The following PIK3C2G variants were observed in gnomAD, a reference collection of about 807,000 sequenced individuals.
PIK3C2G encodes phosphatidylinositol 3-kinase C2 domain-containing subunit gamma.
PIK3C2G carries 168 observed loss-of-function variants against 181.1 expected under a neutral mutation model. That is an observed-to-expected ratio of 0.93 (90% CI 0.82 to 1.05). The LOEUF is 1.05. Among genes scored for constraint, PIK3C2G ranks in the 50% least tolerant of loss-of-function variants. The pLI is 0.00. For missense variants in PIK3C2G, 1,869 were observed against 1,732.8 expected, an observed-to-expected ratio of 1.08 and a Z score of -1.40; for synonymous variants, 573 against 592.2, an observed-to-expected ratio of 0.97 and a Z score of 0.47.
intron 26 of PIK3C2G, among the ~76,000 whole-genome samples, chr12:18,551,151 T>C (rs1056694760): frequency 6.6e-6 from 1 of 152,050 alleles, no homozygotes; most frequent in Admixed American, 6.6e-5. Context: ...CATCATCAAC[T>C]ACTCTCTGTT....
intron 18 of PIK3C2G, among the ~76,000 whole-genome samples, chr12:18,474,206 A>G (rs752444024): frequency 2.7e-4 from 41 of 152,166 alleles, no homozygotes; most frequent in Non-Finnish European, 5.1e-4. Context: ...GCTACTATTG[A>G]GATTCAGAGA....
chr12:18,550,151 C>T (rs1243355364), intron 26 of PIK3C2G, among the ~76,000 whole-genome samples: 1 of 152,070 alleles, frequency 6.6e-6, no homozygotes, highest in Non-Finnish European at 1.5e-5. Context: ...CACATCCCAT[C>T]TAGCACTATG....
intron 14 of PIK3C2G, among the ~76,000 whole-genome samples, chr12:18,385,353 G>A (rs1045415606): frequency 1.2e-4 from 18 of 152,010 alleles, no homozygotes; most frequent in Admixed American, 3.3e-4. Flanking sequence ...TTGATGTGCC[G>A]ACCGGAAGCA....
intron 30 of PIK3C2G, among the ~76,000 whole-genome samples, chr12:18,608,779 TTA>T (rs1425870121): frequency 2.0e-5 from 3 of 151,974 alleles, no homozygotes; most frequent in African/African-American, 7.2e-5. Flanking sequence ...GCTGAGAAAT[TTA>T]GACCTTTTTT....
chr12:18,261,475 C>A (rs1260990678), upstream of PIK3C2G: 1 of 151,998 alleles, frequency 6.6e-6, no homozygotes. Context: ...CCAGTGGAAG[C>A]ATCACGTTCC....
chr12:18,384,953 T>C (rs942981165), intron 14 of PIK3C2G, among the ~76,000 whole-genome samples: 1 of 152,142 alleles, frequency 6.6e-6, no homozygotes, highest in African/African-American at 2.4e-5. Context: ...CCTTTAATAG[T>C]ATCAGTTTAA....
intron 24 of PIK3C2G, among the ~76,000 whole-genome samples, chr12:18,517,368 G>A (rs758845094): frequency 5.9e-5 from 9 of 152,156 alleles, no homozygotes; most frequent in Non-Finnish European, 1.3e-4. Flanking sequence ...CCATGAGGAT[G>A]GGATGTTTTT....
In PIK3C2G at chr12:18,371,300, G is replaced by A. The variant is rs1555172436; in HGVS notation, c.1869G>A (p.Leu623=). 1 of 1,606,618 alleles carries A rather than the reference G, an allele frequency of 6.2e-7. No homozygotes were observed. Among genetic ancestry groups the A allele is most frequent in the South Asian group, 1.1e-5 (1 of 89,144 alleles). ...ANLLAWTCLP[L]FPKEKSILGS... ...TACTGGCGTGGACTTGTCTTCCACT[G>A]TTTCCAAAAGAGTAAGTGTATCAAT... The change falls in exon 13 of 33, where the codon CTG becomes CTA. Residue 623 remains leucine, a synonymous_variant. Transcript: ENST00000538779.
intron 18 of PIK3C2G, among the ~76,000 whole-genome samples, chr12:18,446,366 G>T (rs143530801): frequency 6.6e-6 from 1 of 151,828 alleles, no homozygotes; most frequent in African/African-American, 2.4e-5. Flanking sequence ...GAGATTACAG[G>T]GAAAAAAAGA....
chr12:18,707,567 C>A, the PIK3C2G span, among the ~76,000 whole-genome samples: 1 of 152,292 alleles, frequency 6.6e-6, no homozygotes, highest in East Asian at 1.9e-4. Flanking sequence ...TTTTAAGGCT[C>A]ACCTAAGAGT....
intron 29 of PIK3C2G, among the ~76,000 whole-genome samples, chr12:18,567,374 G>T (rs894239853): frequency 6.6e-6 from 1 of 152,034 alleles, no homozygotes; most frequent in African/African-American, 2.4e-5. Flanking sequence ...ACTCTAGCCT[G>T]GGTGACAGAC....
chr12:18,678,707 G>A, the PIK3C2G span, among the ~76,000 whole-genome samples: 1 of 152,022 alleles, frequency 6.6e-6, no homozygotes, highest in Middle Eastern at 3.4e-3. Context: ...ACATTAAATA[G>A]TATTGGATAT....
chr12:18,524,437 G>A (rs12308652), intron 24 of PIK3C2G, among the ~76,000 whole-genome samples: 2,804 of 152,198 alleles, frequency 0.018, 101 homozygotes, highest in African/African-American at 0.064. Flanking sequence ...GGGTATGGGG[G>A]TAGTGAGGCC....
At chr12:18,667,014 T>C in the PIK3C2G span, among the ~76,000 whole-genome samples, 1 of 152,148 alleles carries the variant, frequency 6.6e-6, no homozygotes, top group Non-Finnish European at 1.5e-5. Context: ...ATACCGTTTC[T>C]CAATAATGGT....
intron 16 of PIK3C2G, among the ~76,000 whole-genome samples, chr12:18,417,185 A>G (rs1330946238): frequency 6.6e-6 from 1 of 152,212 alleles, no homozygotes; most frequent in Non-Finnish European, 1.5e-5. Context: ...AAGATGTGAC[A>G]GAATTGCTGC....
intron 24 of PIK3C2G, among the ~76,000 whole-genome samples, chr12:18,525,521 C>A (rs945891945): frequency 1.3e-5 from 2 of 152,128 alleles, no homozygotes; most frequent in East Asian, 3.9e-4. Flanking sequence ...GGAGGTATTT[C>A]ATCAAGTCAT....
At chr12:18,329,699 C>G (rs184351625) in intron 8 of PIK3C2G, among the ~76,000 whole-genome samples, 1 of 152,004 alleles carries the variant, frequency 6.6e-6, no homozygotes, top group Non-Finnish European at 1.5e-5. Flanking sequence ...AATAATATCA[C>G]GAGGTTTTCT....
intron 32 of PIK3C2G, among the ~76,000 whole-genome samples, chr12:18,644,098 C>T (rs1362763085): frequency 6.6e-6 from 1 of 152,084 alleles, no homozygotes; most frequent in Non-Finnish European, 1.5e-5. Flanking sequence ...GAGTCTCCAC[C>T]CTTCCCATAC....
rs1941102198 is a variant in PIK3C2G at position 18,360,100 on chromosome 12, TG to T, written c.1626-2663del. ...TATTTTTGTGGGGGAGGTAGTGACT[TG>T]CTTTGATTTTTTTCGTAATGATATG... is the stretch of plus-strand genomic sequence containing the variant. On this transcript the variant is annotated intron_variant, in intron 11 of 32. Transcript: ENST00000538779. Among the ~76,000 whole-genome samples the T allele has an allele frequency of 2.6e-5, 4 of 152,104 alleles. No individual in the cohort carries two copies. The South Asian group carries it at 8.3e-4, about 31-fold the overall frequency.
Sources: gnomAD v4.1 joint callset for allele counts (sites outside exome capture counted in the v4.1 genomes callset) on GRCh38, gnomAD v4.1.1 for gene constraint, MANE v1.5 for transcripts, NCBI Gene and HGNC (gene_info 2026-07-23, HGNC 2026-07-21) for gene names.